MTUS2: variants seen among roughly 807,000 people sequenced by gnomAD.
MTUS2 encodes microtubule-associated tumor suppressor candidate 2.
Under a neutral mutation model 114.1 loss-of-function variants are expected in MTUS2, and 40 were observed. That is an observed-to-expected ratio of 0.35 (90% CI 0.27 to 0.46). MTUS2 has a LOEUF of 0.46. MTUS2 is among the 20% of genes least tolerant of loss of function. The pLI is 1.00. For missense variants in MTUS2, 1,679 were observed against 1,705.4 expected (o/e 0.98, Z 0.27); for synonymous variants, 688 against 672.0 (o/e 1.02, Z -0.37).
At chr13:29,487,807 T>C (rs993693382) in intron 10 of MTUS2, 93 bp from the exon 11 acceptor site, 4 of 937,162 alleles carry the variant, frequency 4.3e-6, no homozygotes, top group Admixed American at 3.4e-5. Flanking sequence ...TTGTCATTGA[T>C]GTTTTGGGTC....
rs546603711 is a variant in MTUS2, at chr13:29,453,559, G to T, written c.3184+13510G>T. Among the ~76,000 whole-genome samples the T allele has an allele frequency of 4.6e-5, 7 of 152,194 alleles. No homozygotes were observed. The East Asian group carries it at 1.4e-3, about 29-fold the overall frequency. On this transcript the variant is annotated intron_variant, in intron 9 of 15. Transcript: ENST00000612955. ...GTACTGGTGGTCTGGGAGTTCGGAG[G>T]AGGGTTTGTAACCCAGTCAGGGGTT...
intron 2 of MTUS2, among the ~76,000 whole-genome samples, chr13:28,853,413 T>A (rs1011054906): frequency 1.5e-5 from 2 of 132,426 alleles, no homozygotes; most frequent in African/African-American, 5.1e-5. Context: ...CCTAAAATTC[T>A]GCTGGGGGTG....
intron 5 of MTUS2, among the ~76,000 whole-genome samples, chr13:29,106,518 C>A (rs1424711173): frequency 6.6e-6 from 1 of 152,132 alleles, no homozygotes; most frequent in Non-Finnish European, 1.5e-5. Flanking sequence ...GCTACCACAC[C>A]TAGCTAGTTT....
intron 5 of MTUS2, among the ~76,000 whole-genome samples, chr13:29,231,684 G>A (rs889133011): frequency 8.5e-5 from 13 of 152,300 alleles, no homozygotes; most frequent in African/African-American, 3.1e-4. Context: ...TTTCACAGTT[G>A]CAACAGCTAT....
chr13:29,497,385 C>A (rs61946566), intron 13 of MTUS2, 49 bp downstream of exon 13: 16,034 of 1,522,802 alleles, frequency 0.011, 137 homozygotes, highest in Non-Finnish European at 0.011. Flanking sequence ...CCCGCCCCAG[C>A]AAGGCCGAGG....
In MTUS2 at chr13:29,166,818, G is replaced by A. The variant is rs182191712; in HGVS notation, c.2644+65848G>A. 1.1e-3 allele frequency among the ~76,000 whole-genome samples: 168 copies of A among 152,140 alleles called. 1 individual carries two copies. The highest frequency in any genetic ancestry group is 3.7e-3 in the African/African-American group (153 of 41,512). On this transcript the variant is annotated intron_variant, in intron 5 of 15. Coordinates refer to ENST00000612955, the MANE Select transcript of MTUS2 (RefSeq NM_001033602.4). ...TTTAATCTGTTCTTGAAGTAAAGATGTATTGTCTTGAAAAAAAATTAGTTT... is the reference window on the plus strand; with the variant it reads ...TTTAATCTGTTCTTGAAGTAAAGATATATTGTCTTGAAAAAAAATTAGTTT...
intron 5 of MTUS2, among the ~76,000 whole-genome samples, chr13:29,181,957 A>G (rs1327304227): frequency 6.6e-6 from 1 of 152,160 alleles, no homozygotes; most frequent in Non-Finnish European, 1.5e-5. Context: ...TGTTTTTATT[A>G]TACTGTAATG....
At chr13:28,931,139 T>G (rs748262516) in intron 2 of MTUS2, among the ~76,000 whole-genome samples, 4 of 152,238 alleles carry the variant, frequency 2.6e-5, no homozygotes, top group Non-Finnish European at 5.9e-5. Flanking sequence ...GCACACTTCC[T>G]TGACTTTGGG....
At chr13:29,391,296 GC>G (rs1426012284) in intron 8 of MTUS2, among the ~76,000 whole-genome samples, 44 of 152,274 alleles carry the variant, frequency 2.9e-4, no homozygotes, top group African/African-American at 1.0e-3. Context: ...CACCATGTTG[GC>G]CAGGTTGGAC....
At chr13:29,335,334 C>T (rs772689101) in intron 7 of MTUS2, among the ~76,000 whole-genome samples, 12 of 152,230 alleles carry the variant, frequency 7.9e-5, no homozygotes, top group African/African-American at 1.2e-4. Context: ...TTGGTCAGAC[C>T]GGTTGTCTGC....
At chr13:29,306,773 A>G in intron 6 of MTUS2, 1 of 321,322 alleles carries the variant, frequency 3.1e-6, no homozygotes, top group Non-Finnish European at 6.3e-6. Flanking sequence ...CATCCCTGAG[A>G]CATCATGGTG....
At chr13:29,124,052 A>G (rs1397103986) in intron 5 of MTUS2, among the ~76,000 whole-genome samples, 2 of 152,216 alleles carry the variant, frequency 1.3e-5, no homozygotes, top group Admixed American at 1.3e-4. Context: ...AGGTAAACAC[A>G]TTAGCTTGGC....
intron 4 of MTUS2, among the ~76,000 whole-genome samples, chr13:29,087,532 T>A (rs745690958): frequency 1.3e-5 from 2 of 152,228 alleles, no homozygotes; most frequent in Non-Finnish European, 2.9e-5. Flanking sequence ...TTTGCATCTA[T>A]GTTCATCAGG....
intron 2 of MTUS2, among the ~76,000 whole-genome samples, chr13:29,004,887 A>G (rs1885539101): frequency 6.6e-6 from 1 of 152,192 alleles, no homozygotes; most frequent in South Asian, 2.1e-4. Flanking sequence ...GTAGAAAGTG[A>G]TGAGGATCAT....
chr13:29,206,430 T>C (rs915803789), intron 5 of MTUS2, among the ~76,000 whole-genome samples: 4 of 152,214 alleles, frequency 2.6e-5, no homozygotes, highest in African/African-American at 9.6e-5. Flanking sequence ...CAACTATTTA[T>C]CTCTGTTTTT....
At position 29,306,825 on chromosome 13, in the gene MTUS2, T is replaced by A. The variant is rs906688190; in HGVS notation, c.2807-17788T>A. 2.3e-4 allele frequency: 105 copies of A among 454,228 alleles called. 2 individuals carry two copies. In the Admixed American group the frequency reaches 2.3e-3, roughly 10 times the overall value. 28.1% of individuals were successfully genotyped at this position (454,228 alleles called of 1,614,324 possible). On this transcript the variant is annotated intron_variant, in intron 6 of 15. Transcript: ENST00000612955. ...TCGACAGATTTGGTCATGTTAGGTG[T>A]CTGGTCACCAGGGCTGCTTTTAACT... is the stretch of plus-strand genomic sequence containing the variant.
chr13:29,242,531 T>G (rs1054185881), intron 5 of MTUS2: 1 of 158,734 alleles, frequency 6.3e-6, no homozygotes, highest in African/African-American at 2.4e-5. Flanking sequence ...CTGTATACCT[T>G]ATTATTTTGG....
chr13:28,841,712 A>T, intron 2 of MTUS2, among the ~76,000 whole-genome samples: 1 of 148,024 alleles, frequency 6.8e-6, no homozygotes. Context: ...TTTGATACGG[A>T]GTCTCACTCT....
At position 28,891,890 on chromosome 13, in the gene MTUS2, A is replaced by C. The variant is rs117295730; in HGVS notation, c.-243+52040A>C. 8.1e-3 allele frequency among the ~76,000 whole-genome samples: 1,219 copies of C among 150,574 alleles called. 19 individuals are homozygous for C. Among genetic ancestry groups the C allele is most frequent in the East Asian group, 0.033 (168 of 5,108 alleles). On this transcript the variant is annotated intron_variant, in intron 2 of 15. Coordinates refer to ENST00000612955, the MANE Select transcript of MTUS2 (RefSeq NM_001033602.4). ...AAAAAAAAAAAAAAAAAAGAATAAC[A>C]ACAAAGGACAAAACCTTATCTCTAG...
Sources: gnomAD v4.1 joint callset for allele counts (sites outside exome capture counted in the v4.1 genomes callset) on GRCh38, gnomAD v4.1.1 for gene constraint, MANE v1.5 for transcripts, NCBI Gene and HGNC (gene_info 2026-07-23, HGNC 2026-07-21) for gene names.